Variants in PCGF2 observed in about 807,000 individuals in gnomAD.
The protein encoded by PCGF2 is polycomb group ring finger 2, also known as polycomb group RING finger protein 2.
In PCGF2, 8 loss-of-function variants were observed where a neutral mutation model predicts 36.1. That is an observed-to-expected ratio of 0.22 (90% CI 0.13 to 0.40). The LOEUF is 0.40. Among genes scored for constraint, PCGF2 ranks in the 10% least tolerant of loss-of-function variants. The pLI, the probability that PCGF2 is intolerant of heterozygous loss-of-function variation, is 1.00. For synonymous variants in PCGF2, 198 were observed against 191.2 expected, an observed-to-expected ratio of 1.04 and a Z score of -0.29; for missense variants, 436 against 475.9, an observed-to-expected ratio of 0.92 and a Z score of 0.78.
At chr17:38,745,146 C>A (rs1907457163) in intron 2 of PCGF2, among the ~76,000 whole-genome samples, 1 of 152,232 alleles carries the variant, frequency 6.6e-6, no homozygotes, top group African/African-American at 2.4e-5. Context: ...TCCTGGCTAA[C>A]ATGGTGAAAC....
chr17:38,741,780 G>A (rs980550067), intron 2 of PCGF2, among the ~76,000 whole-genome samples: 2 of 152,148 alleles, frequency 1.3e-5, no homozygotes, highest in African/African-American at 4.8e-5. Flanking sequence ...CCCTAGCCCT[G>A]GACTCAAAGA....
chr17:38,738,265 A>G lies in PCGF2; in HGVS notation c.576+88T>C, dbSNP rs937092778. The stretch of plus-strand genomic sequence containing the variant: ...ACCGCGCAAGCCCTGGGTGACACCT[A>G]GCCAGCTCTGACCAATGGCTGGGCT... On this transcript the variant is annotated intron_variant, in intron 9 of 10. Coordinates refer to ENST00000620225, the MANE Select transcript of PCGF2 (RefSeq NM_007144.3). 7 of 1,138,776 alleles carry G rather than the reference A, an allele frequency of 6.1e-6. No homozygotes were observed. In the African/African-American group the frequency reaches 9.2e-5, roughly 15 times the overall value. The allele number at this position is 1,138,776 out of a possible 1,614,324, so 70.5% of individuals were successfully genotyped here. A position where few individuals can be genotyped will look rare whatever the true frequency, so the allele number is the denominator to read the frequency against.
At chr17:38,742,609 C>T (rs557284744) in intron 2 of PCGF2, among the ~76,000 whole-genome samples, 2 of 152,230 alleles carry the variant, frequency 1.3e-5, no homozygotes, top group East Asian at 3.9e-4. Context: ...CGCAGGGTGG[C>T]CTCGGCCAGC....
At chr17:38,741,806 C>T (rs1907218488) in intron 2 of PCGF2, among the ~76,000 whole-genome samples, 1 of 152,184 alleles carries the variant, frequency 6.6e-6, no homozygotes, top group African/African-American at 2.4e-5. Context: ...GGCAAAAAGG[C>T]TATACCCCTG....
At chr17:38,738,251 C>T in intron 9 of PCGF2, 102 bp downstream of exon 9, 1 of 983,826 alleles carries the variant, frequency 1.0e-6, no homozygotes. Context: ...CCGCGCAAGC[C>T]CTGGGTGACA....
At chr17:38,735,627 A>G (rs962129954) in intron 10 of PCGF2, 27 bp from the exon 11 acceptor site, 18 of 1,526,452 alleles carry the variant, frequency 1.2e-5, no homozygotes, top group Non-Finnish European at 1.4e-5. Context: ...GAGGAGAGAC[A>G]CAGGGAAGGG....
At chr17:38,748,872 TC>T (rs1907733374), upstream of PCGF2, among the ~76,000 whole-genome samples, 1 of 152,112 alleles carries the variant, frequency 6.6e-6, no homozygotes, top group Non-Finnish European at 1.5e-5. Flanking sequence ...AATAACTGCA[TC>T]TGGGAGGGCG....
At position 38,743,044 on chromosome 17, in the gene PCGF2, C is replaced by T. The variant is rs139398172; in HGVS notation, c.-40-2602G>A. ...GGCTCCGCACACTTCACATCGTGCC[C>T]GAGCCACCTCATTCACACACTCGCT... On this transcript the variant is annotated intron_variant, in intron 2 of 10. Coordinates refer to ENST00000620225, the MANE Select transcript of PCGF2 (RefSeq NM_007144.3). 4.1e-3 allele frequency among the ~76,000 whole-genome samples: 618 copies of T among 152,000 alleles called. 2 individuals carry two copies. Among genetic ancestry groups the T allele is most frequent in the Non-Finnish European group, 6.0e-3 (408 of 68,012 alleles).
At chr17:38,745,947 C>T (rs1241784643) in intron 2 of PCGF2, among the ~76,000 whole-genome samples, 1 of 152,146 alleles carries the variant, frequency 6.6e-6, no homozygotes, top group Non-Finnish European at 1.5e-5. Context: ...AAGACTCAGA[C>T]CAGGGGTTTT....
At chr17:38,736,629 T>G (rs1050772328) in intron 9 of PCGF2, among the ~76,000 whole-genome samples, 11 of 150,844 alleles carry the variant, frequency 7.3e-5, no homozygotes, top group Non-Finnish European at 1.0e-4. Flanking sequence ...GGTCAGGAGA[T>G]CGAGACCATC....
chr17:38,739,091 T>C lies in PCGF2; in HGVS notation c.293A>G (p.Tyr98Cys). 1 of 1,613,414 alleles carries C rather than the reference T, an allele frequency of 6.2e-7. No individual in the cohort carries two copies. Among genetic ancestry groups the C allele is most frequent in the East Asian group, 2.2e-5 (1 of 44,860 alleles). The change falls in exon 6 of 11, where the codon TAT (tyrosine) becomes TGT (cysteine). Residue 98 changes from tyrosine (Y) to cysteine (C), a missense_variant. Transcript: ENST00000620225. The surrounding 1 kb of genome is among the most constrained non-coding windows in gnomAD (Gnocchi z 4.0). ...KDEMKRRRDF[Y>C]AAYPLTEVPN... ...ACCCTCCGTCAGGGGGTACGCTGCA[T>C]AGAAATCCCGCCGCCGTTTCATCTC...
intron 10 of PCGF2, 130 bp downstream of exon 10, chr17:38,735,960 A>C: frequency 1.4e-6 from 1 of 717,366 alleles, no homozygotes; most frequent in South Asian, 1.6e-5. Context: ...GTAGCAAGCC[A>C]CCCTGGACAT....
chr17:38,745,983 G>A (rs895221499), intron 2 of PCGF2, among the ~76,000 whole-genome samples: 3 of 152,062 alleles, frequency 2.0e-5, no homozygotes, highest in Non-Finnish European at 4.4e-5. Flanking sequence ...TCCCAGCTTC[G>A]TGGGTCCAAC....
chr17:38,746,961 G>C (rs557958949), intron 2 of PCGF2, among the ~76,000 whole-genome samples: 104 of 152,314 alleles, frequency 6.8e-4, no homozygotes, highest in African/African-American at 2.5e-3. Flanking sequence ...GAAACTGCCA[G>C]AGGTCCCAGA....
chr17:38,743,991 C>T lies in PCGF2; in HGVS notation c.-40-3549G>A, dbSNP rs192118633. On this transcript the variant is annotated intron_variant, in intron 2 of 10. Transcript: ENST00000620225. ...ATCCCAAGAAACAGAAAGGGGAGGC[C>T]AAGCACCATTGGAAGTGGCCTCTGC... 3.3e-5 allele frequency among the ~76,000 whole-genome samples: 5 copies of T among 152,172 alleles called. No individual in the cohort carries two copies. The South Asian group carries it at 6.2e-4, about 19-fold the overall frequency.
At chr17:38,742,993 C>CA (rs769427536) in intron 2 of PCGF2, among the ~76,000 whole-genome samples, 1 of 152,180 alleles carries the variant, frequency 6.6e-6, no homozygotes, top group Non-Finnish European at 1.5e-5. Context: ...TATACACATG[C>CA]ACGCGTACAC....
At chr17:38,738,257 T>G (rs1355401559) in intron 9 of PCGF2, 96 bp downstream of exon 9, 1 of 1,038,294 alleles carries the variant, frequency 9.6e-7, no homozygotes, top group Non-Finnish European at 1.5e-6. Flanking sequence ...AAGCCCTGGG[T>G]GACACCTAGC....
In PCGF2 at chr17:38,738,451, G is replaced by C; in HGVS notation, c.481-3C>G. ...CATCGCAGGAAGCGCACCCCTGTCT[G>C]CTGGGGCACAGGCACCCATGGTAGG... On this transcript the variant is annotated splice_region_variant and splice_polypyrimidine_tract_variant and intron_variant, in intron 8 of 10. Transcript: ENST00000620225. The C allele has an allele frequency of 6.2e-7, 1 of 1,613,974 alleles. No homozygotes were observed. The highest frequency in any genetic ancestry group is 8.5e-7 in the Non-Finnish European group (1 of 1,179,822).
chr17:38,748,815 G>A (rs1301372286), upstream of PCGF2, among the ~76,000 whole-genome samples: 2 of 152,196 alleles, frequency 1.3e-5, no homozygotes, highest in Non-Finnish European at 2.9e-5. Context: ...CTTCAGCCAG[G>A]CGTCCGAGCG....
Sources: allele counts gnomAD v4.1 joint callset (sites outside exome capture counted in the v4.1 genomes callset), GRCh38; gene constraint gnomAD v4.1.1; non-coding constraint Gnocchi (gnomAD v3.1); transcripts MANE v1.5; gene names NCBI Gene and HGNC (gene_info 2026-07-23, HGNC 2026-07-21).